SLC2A2: variants seen among roughly 807,000 people sequenced by gnomAD.
SLC2A2 encodes the protein solute carrier family 2 member 2.
SLC2A2 carries 36 observed loss-of-function variants against 54.5 expected under a neutral mutation model. The observed-to-expected ratio is 0.66, with a 90% CI of 0.51 to 0.87. The LOEUF (loss-of-function observed/expected upper bound fraction) is 0.87, where lower values mean the gene tolerates loss of function less well. Ranked by LOEUF, SLC2A2 falls within the 40% of genes least tolerant of loss-of-function variation. SLC2A2 has a pLI of 0.00. For synonymous variants in SLC2A2, 223 were observed against 219.1 expected (o/e 1.02, Z -0.16); for missense variants, 543 against 624.3 (o/e 0.87, Z 1.39).
chr3:171,026,575 C>T, intron 1 of SLC2A2, 81 bp downstream of exon 1: 1 of 1,232,748 alleles, frequency 8.1e-7, no homozygotes, highest in Non-Finnish European at 1.2e-6. Flanking sequence ...CAACCTCCCC[C>T]AAATCCTCTG....
chr3:170,999,034 T>C, intron 9 of SLC2A2, 31 bp downstream of exon 9: 1 of 1,407,992 alleles, frequency 7.1e-7, no homozygotes, highest in Non-Finnish European at 1.0e-6. Context: ...CATATGTTAA[T>C]GAAAAACCTC....
At position 170,997,667 on chromosome 3, in the gene SLC2A2, G is replaced by C. The variant is rs1314645695; in HGVS notation, c.*236C>G. On this transcript the variant is annotated 3_prime_UTR_variant, in exon 11 of 11. Coordinates refer to ENST00000314251, the MANE Select transcript of SLC2A2 (RefSeq NM_000340.2). The stretch of plus-strand genomic sequence containing the variant: ...AAATATTAGAACCACCTGCCCTTTA[G>C]TGTAACAAAATAAACTAGCCTTTTT... The C allele has an allele frequency of 1.9e-6, 1 of 515,602 alleles. No homozygotes were observed. Among genetic ancestry groups the C allele is most frequent in the African/African-American group, 1.9e-5 (1 of 51,806 alleles). 31.9% of individuals were successfully genotyped at this position (515,602 alleles called of 1,614,324 possible).
In SLC2A2 at chr3:170,997,863, C is replaced by A; in HGVS notation, c.*40G>T. ...TCATCATTTAAAAACAGACGGTTCC[C>A]TTATTGTTTCTGTTCATGTCAAAAA... is the stretch of plus-strand genomic sequence containing the variant. On this transcript the variant is annotated 3_prime_UTR_variant, in exon 11 of 11. Coordinates refer to ENST00000314251, the MANE Select transcript of SLC2A2 (RefSeq NM_000340.2). The A allele has an allele frequency of 1.3e-6, 2 of 1,513,608 alleles. No individual in the cohort carries two copies. Among genetic ancestry groups the A allele is most frequent in the South Asian group, 2.3e-5 (2 of 86,702 alleles). 93.8% of individuals were successfully genotyped at this position (1,513,608 alleles called of 1,614,324 possible). A position where few individuals can be genotyped will look rare whatever the true frequency, so the allele number is the denominator to read the frequency against.
intron 8 of SLC2A2, among the ~76,000 whole-genome samples, chr3:171,002,144 C>T (rs1367513138): frequency 6.6e-6 from 1 of 151,518 alleles, no homozygotes; most frequent in Admixed American, 6.6e-5. Flanking sequence ...ATATGTTTCC[C>T]CCAAGGCACA....
intron 3 of SLC2A2, among the ~76,000 whole-genome samples, chr3:171,010,463 G>C (rs1715833390): frequency 6.6e-6 from 1 of 152,068 alleles, no homozygotes; most frequent in Non-Finnish European, 1.5e-5. Context: ...ATTCAATCCT[G>C]GTGAGGACAA....
At chr3:171,010,431 T>G (rs1715831729) in intron 3 of SLC2A2, among the ~76,000 whole-genome samples, 1 of 152,146 alleles carries the variant, frequency 6.6e-6, no homozygotes, top group Admixed American at 6.6e-5. Context: ...TCAAGCCTAA[T>G]CTCTACATTT....
At chr3:171,019,352 TC>T (rs1471406591) in intron 1 of SLC2A2, among the ~76,000 whole-genome samples, 2 of 151,994 alleles carry the variant, frequency 1.3e-5, no homozygotes, top group Non-Finnish European at 2.9e-5. Context: ...TTTATCATGT[TC>T]CGCATCAACA....
At chr3:171,002,547 C>G (rs1553785703) in intron 8 of SLC2A2, 29 bp downstream of exon 8, 4 of 1,412,188 alleles carry the variant, frequency 2.8e-6, no homozygotes, top group Non-Finnish European at 4.0e-6. Context: ...AAGGAACAAG[C>G]AGAGTATTTA....
intron 7 of SLC2A2, among the ~76,000 whole-genome samples, chr3:171,003,226 C>T (rs1034588956): frequency 6.6e-6 from 1 of 151,892 alleles, no homozygotes; most frequent in Non-Finnish European, 1.5e-5. Flanking sequence ...TCAACATTAC[C>T]TTTGTGAGAA....
intron 1 of SLC2A2, among the ~76,000 whole-genome samples, chr3:171,026,288 A>G (rs1279819013): frequency 6.7e-6 from 1 of 148,474 alleles, no homozygotes; most frequent in Non-Finnish European, 1.5e-5. Context: ...CAACCCTTCT[A>G]CCTCTTTTGT....
At position 171,002,830 on chromosome 3, in the gene SLC2A2, A is replaced by G. The variant is rs1207746793; in HGVS notation, c.964-150T>C. On this transcript the variant is annotated intron_variant, in intron 7 of 10. Transcript: ENST00000314251. ...TACAGATTTTCTCCTTCCAAGGAAG[A>G]GAACCCTCAGTCTTCCTTTAGTGTT... The G allele has an allele frequency of 3.0e-4, 190 of 632,676 alleles. 1 individual carries two copies. The East Asian group carries it at 5.2e-3, about 17-fold the overall frequency. 39.2% of individuals were successfully genotyped at this position (632,676 alleles called of 1,614,324 possible).
chr3:171,015,258 C>T (rs1716092062), intron 2 of SLC2A2, among the ~76,000 whole-genome samples: 1 of 152,074 alleles, frequency 6.6e-6, no homozygotes, highest in Non-Finnish European at 1.5e-5. Flanking sequence ...TGCTTGAGCT[C>T]AGGAGTTTGA....
At chr3:171,011,175 G>C (rs1430271088) in intron 3 of SLC2A2, among the ~76,000 whole-genome samples, 1 of 152,006 alleles carries the variant, frequency 6.6e-6, no homozygotes, top group Non-Finnish European at 1.5e-5. Flanking sequence ...GCTAAATCAT[G>C]TCCCCTGGCA....
Position 171,007,246 on chromosome 3 carries a change from C to A in SLC2A2, c.514G>T (p.Val172Phe). 6.2e-7 allele frequency: 1 copy of A among 1,609,736 alleles called. No individual in the cohort carries two copies. Among genetic ancestry groups the A allele is most frequent in the Non-Finnish European group, 8.5e-7 (1 of 1,176,536 alleles). Reference protein sequence around the residue: ...GLYCGLISGLVPMYIGEIAPT... With the variant: ...GLYCGLISGLFPMYIGEIAPT... ...GCAATTTCACCGATATACATAGGAA[C>A]CAGGCCTGAAATTAGCCCTGCATGA... Residue 172 changes from valine (V) to phenylalanine (F), a missense_variant, in exon 5 of 11, where the codon GTT (valine) becomes TTT (phenylalanine). Around this residue, in one of 3 missense-constraint regions of SLC2A2, gnomAD observed 318 missense variants for 343.8 expected, o/e 0.93. Transcript: ENST00000314251.
At chr3:171,007,847 C>A (rs1715683411) in intron 4 of SLC2A2, among the ~76,000 whole-genome samples, 1 of 151,994 alleles carries the variant, frequency 6.6e-6, no homozygotes, top group Non-Finnish European at 1.5e-5. Context: ...GGACTCTTCC[C>A]CAGTTAGAAA....
rs2108257110 is a variant in SLC2A2, at chr3:171,014,735, G to C, written c.109-4C>G. ...GTCTATAGTGAGATATTATTACCTA[G>C]GAGATAAAGAAAAATAGCTTTACTA... On this transcript the variant is annotated splice_region_variant and splice_polypyrimidine_tract_variant and intron_variant, in intron 2 of 10. Coordinates refer to ENST00000314251, the MANE Select transcript of SLC2A2 (RefSeq NM_000340.2). 1 of 1,610,738 alleles carries C rather than the reference G, an allele frequency of 6.2e-7. No homozygotes were observed. The highest frequency in any genetic ancestry group is 1.1e-5 in the South Asian group (1 of 90,952).
chr3:170,998,199 G>A lies in SLC2A2; in HGVS notation c.1368C>T (p.Tyr456=), dbSNP rs774775678. 10 of 1,613,686 alleles carry A rather than the reference G, an allele frequency of 6.2e-6. No individual in the cohort carries two copies. In the South Asian group the frequency reaches 6.6e-5, roughly 11 times the overall value. ...CNFIVALCFQ[Y]IADFCGPYVF... ...GGAATATTAGGCTGCTTACCGCAAT[G>A]TACTGGAAACACAGAGCTACAATGA... The change falls in exon 10 of 11, where the codon TAC becomes TAT. Residue 456 remains tyrosine (Y), a synonymous_variant. Coordinates refer to ENST00000314251, the MANE Select transcript of SLC2A2 (RefSeq NM_000340.2).
chr3:171,024,526 A>G (rs1289370861), intron 1 of SLC2A2, among the ~76,000 whole-genome samples: 1 of 152,208 alleles, frequency 6.6e-6, no homozygotes, highest in Non-Finnish European at 1.5e-5. Flanking sequence ...GGAGAAGCTT[A>G]TACCCTTTTC....
Position 170,997,640 on chromosome 3 carries a change from A to G in SLC2A2, c.*263T>C, listed in dbSNP as rs1237011271. 4.7e-6 allele frequency: 2 copies of G among 430,024 alleles called. No individual in the cohort carries two copies. The highest frequency in any genetic ancestry group is 8.2e-6 in the Non-Finnish European group (2 of 242,586). The allele number at this position is 430,024 out of a possible 1,614,324, so 26.6% of individuals were successfully genotyped here. The stretch of plus-strand genomic sequence containing the variant: ...GAACCTTGTTATAAAGAACAGAGCT[A>G]AAAATATTAGAACCACCTGCCCTTT... On this transcript the variant is annotated 3_prime_UTR_variant, in exon 11 of 11. Transcript: ENST00000314251.
Sources: allele counts gnomAD v4.1 joint callset (sites outside exome capture counted in the v4.1 genomes callset), GRCh38; gene constraint gnomAD v4.1.1; regional missense constraint gnomAD v4.1.1; transcripts MANE v1.5; gene names NCBI Gene and HGNC (gene_info 2026-07-23, HGNC 2026-07-21).